ASAP1: variants seen among roughly 807,000 people sequenced by gnomAD.
ASAP1 encodes arf-GAP with SH3 domain, ANK repeat and PH domain-containing protein 1.
In ASAP1, 43 loss-of-function variants were observed where a neutral mutation model predicts 145.2. That is an observed-to-expected ratio of 0.30 (90% CI 0.23 to 0.38). ASAP1 has a LOEUF of 0.38. ASAP1 is among the 10% of genes least tolerant of loss of function. ASAP1 has a pLI of 1.00. For missense variants in ASAP1, 1,018 were observed against 1,355.3 expected (o/e 0.75, Z 3.91); for synonymous variants, 546 against 515.5 (o/e 1.06, Z -0.80).
intron 11 of ASAP1, 180 bp downstream of exon 11, chr8:130,167,356 C>T (rs986880888): frequency 2.7e-6 from 2 of 742,004 alleles, no homozygotes; most frequent in African/African-American, 1.7e-5. Flanking sequence ...ATACCCAGAA[C>T]ATCTTTCCTA....
chr8:130,123,853 C>A (rs2097570497), intron 18 of ASAP1, among the ~76,000 whole-genome samples, 160 bp downstream of exon 18: 1 of 151,648 alleles, frequency 6.6e-6, no homozygotes, highest in Non-Finnish European at 1.5e-5. Context: ...TGGTCTTGAT[C>A]TCCTGACCTC....
chr8:130,090,440 T>C (rs2097503178), intron 25 of ASAP1, among the ~76,000 whole-genome samples: 1 of 152,200 alleles, frequency 6.6e-6, no homozygotes, highest in Non-Finnish European at 1.5e-5. Flanking sequence ...CCTCTGAAAA[T>C]GTCACGGACA....
Position 130,116,874 on chromosome 8 carries a change from T to A in ASAP1, c.1996+6A>T, listed in dbSNP as rs1302559566. On this transcript the variant is annotated splice_donor_region_variant and intron_variant, in intron 21 of 29. Coordinates refer to ENST00000518721, the MANE Select transcript of ASAP1 (RefSeq NM_018482.4). ...ACAGTCATGAAGACACTAGACACACTCTTACCTATATCCACAGTGGGCTTG... is the reference window on the plus strand; with the variant it reads ...ACAGTCATGAAGACACTAGACACACACTTACCTATATCCACAGTGGGCTTG... 3 of 1,610,254 alleles carry A rather than the reference T, an allele frequency of 1.9e-6. No individual in the cohort carries two copies. The highest frequency in any genetic ancestry group is 3.3e-5 in the Admixed American group (2 of 59,966).
At chr8:130,072,831 G>GCGCGCACGCGC (rs58907739) in intron 27 of ASAP1, among the ~76,000 whole-genome samples, 6 of 110,706 alleles carry the variant, frequency 5.4e-5, no homozygotes, top group Non-Finnish European at 1.2e-4. Context: ...GTGTGCGCGC[G>GCGCGCACGCGC]GGGGGGGGCA....
At chr8:130,357,212 C>G (rs1180533356) in intron 3 of ASAP1, among the ~76,000 whole-genome samples, 3 of 152,178 alleles carry the variant, frequency 2.0e-5, no homozygotes, top group Non-Finnish European at 4.4e-5. Context: ...CCCCACCCCC[C>G]ACCAGCAACG....
chr8:130,097,563 G>C (rs1391026960), intron 24 of ASAP1, among the ~76,000 whole-genome samples: 4 of 152,150 alleles, frequency 2.6e-5, no homozygotes, highest in African/African-American at 9.7e-5. Context: ...TTAGCCTCGG[G>C]GATGCCTCTG....
chr8:130,242,294 T>A (rs1265839936), intron 3 of ASAP1, among the ~76,000 whole-genome samples: 1 of 151,128 alleles, frequency 6.6e-6, no homozygotes, highest in Admixed American at 6.6e-5. Context: ...CAACTTTTTT[T>A]TTTTTTTAAC....
At chr8:130,302,227 T>C (rs1822721360) in intron 3 of ASAP1, among the ~76,000 whole-genome samples, 1 of 152,256 alleles carries the variant, frequency 6.6e-6, no homozygotes, top group East Asian at 1.9e-4. Flanking sequence ...TTGTCCAGTC[T>C]TTTATAAGAA....
intron 3 of ASAP1, among the ~76,000 whole-genome samples, chr8:130,270,063 T>C (rs1181629530): frequency 6.6e-6 from 1 of 152,174 alleles, no homozygotes; most frequent in Non-Finnish European, 1.5e-5. Context: ...CCAGCTATTC[T>C]GGAGGCCGAG....
rs1448184178 is a variant in ASAP1 at position 130,072,830 on chromosome 8, C to CGCGCACGCGCG, written c.2701+3517_2701+3518insCGCGCGTGCGC. Among the ~76,000 whole-genome samples the CGCGCACGCGCG allele has an allele frequency of 4.4e-4, 14 of 31,926 alleles. No individual in the cohort carries two copies. The South Asian group carries it at 5.5e-3, about 13-fold the overall frequency. The allele number at this position is 31,926 out of a possible 152,430, so 20.9% of individuals were successfully genotyped here. A position where few individuals can be genotyped will look rare whatever the true frequency, so the allele number is the denominator to read the frequency against. On this transcript the variant is annotated intron_variant, in intron 27 of 29. Coordinates refer to ENST00000518721, the MANE Select transcript of ASAP1 (RefSeq NM_018482.4). ...GTGTGTGTGTGTGTGTGTGTGCGCG[C>CGCGCACGCGCG]GGGGGGGGGCAGTTTTGGGGACTGA...
chr8:130,303,761 G>A (rs1044844096), intron 3 of ASAP1, among the ~76,000 whole-genome samples: 1 of 152,070 alleles, frequency 6.6e-6, no homozygotes, highest in African/African-American at 2.4e-5. Context: ...GTTGCCAGGG[G>A]TTTAGGATGA....
intron 13 of ASAP1, among the ~76,000 whole-genome samples, chr8:130,145,964 C>T (rs1480554502): frequency 6.6e-6 from 1 of 151,266 alleles, no homozygotes; most frequent in Non-Finnish European, 1.5e-5. Context: ...GCCTGAGCCT[C>T]CCAAGGAGCT....
In ASAP1 at chr8:130,300,151, CACAGAGAGAG is replaced by C. The variant is rs1173988092; in HGVS notation, c.186+57856_186+57865del. On this transcript the variant is annotated intron_variant, in intron 3 of 29. Coordinates refer to ENST00000518721, the MANE Select transcript of ASAP1 (RefSeq NM_018482.4). ...ACACACACACACACACACACACACA[CACAGAGAGAG>C]AGAGAGAGAGAGAGAGAGAGAGAGA... 4.9e-3 allele frequency among the ~76,000 whole-genome samples: 415 copies of C among 84,790 alleles called. 5 individuals carry two copies. Among genetic ancestry groups the C allele is most frequent in the Admixed American group, 0.031 (244 of 7,970 alleles). The allele number at this position is 84,790 out of a possible 152,430, so 55.6% of individuals were successfully genotyped here.
chr8:130,136,883 C>G, intron 14 of ASAP1, 68 bp downstream of exon 14: 1 of 1,344,818 alleles, frequency 7.4e-7, no homozygotes, highest in South Asian at 1.2e-5. Flanking sequence ...AGCTGCTGAC[C>G]TGGAGAATGG....
At chr8:130,066,101 C>G (rs186405187) in intron 27 of ASAP1, among the ~76,000 whole-genome samples, 1 of 152,278 alleles carries the variant, frequency 6.6e-6, no homozygotes, top group Admixed American at 6.5e-5. Flanking sequence ...GTGATACAAT[C>G]GTGGTACAAT....
At chr8:130,433,232 T>G (rs1830198978) in intron 1 of ASAP1, among the ~76,000 whole-genome samples, 1 of 152,218 alleles carries the variant, frequency 6.6e-6, no homozygotes, top group Non-Finnish European at 1.5e-5. Flanking sequence ...AAATGCCATT[T>G]TATTTTAACT....
At chr8:130,261,061 A>G (rs774232923) in intron 3 of ASAP1, among the ~76,000 whole-genome samples, 11 of 152,146 alleles carry the variant, frequency 7.2e-5, no homozygotes, top group African/African-American at 9.7e-5. Flanking sequence ...GGAGAGGTCA[A>G]TTACTAGTCA....
intron 17 of ASAP1, among the ~76,000 whole-genome samples, chr8:130,125,506 T>C (rs1456405816): frequency 6.6e-6 from 1 of 152,190 alleles, no homozygotes; most frequent in Non-Finnish European, 1.5e-5. Context: ...GTTGGTTTTA[T>C]GACAATAGTT....
chr8:130,373,849 GAAAAAAA>G (rs1170269915), intron 2 of ASAP1, among the ~76,000 whole-genome samples: 3 of 50,904 alleles, frequency 5.9e-5, no homozygotes, highest in African/African-American at 1.9e-4. Flanking sequence ...GGAGTCTCCA[GAAAAAAA>G]AAAAAAAAAA....
Sources: gnomAD v4.1 joint callset for allele counts (sites outside exome capture counted in the v4.1 genomes callset) on GRCh38, gnomAD v4.1.1 for gene constraint, MANE v1.5 for transcripts, NCBI Gene and HGNC (gene_info 2026-07-23, HGNC 2026-07-21) for gene names.